Variants in PPAN observed in about 807,000 individuals in gnomAD.
The protein encoded by PPAN is suppressor of SWI4 1 homolog.
PPAN carries 39 observed loss-of-function variants against 48.5 expected under a neutral mutation model. The observed-to-expected ratio is 0.80, with a 90% CI of 0.62 to 1.05. The LOEUF is 1.05. PPAN is among the 50% of genes least tolerant of loss of function. The pLI, the probability that PPAN is intolerant of heterozygous loss-of-function variation, is 0.00. For synonymous variants in PPAN, 315 were observed against 268.6 expected, an observed-to-expected ratio of 1.17 and a Z score of -1.69; for missense variants, 736 against 661.7, an observed-to-expected ratio of 1.11 and a Z score of -1.23.
At chr19:10,109,506 G>A (rs765222501) in intron 5 of PPAN, 125 bp from the exon 6 acceptor site, 40 of 1,180,068 alleles carry the variant, frequency 3.4e-5, no homozygotes, top group Admixed American at 4.7e-5. Flanking sequence ...CTGCAGGTGC[G>A]AGCTGGAAGC....
In PPAN at chr19:10,110,222, G is replaced by A. The variant is rs530674060; in HGVS notation, c.798G>A (p.Gln266=). Residue 266 remains glutamine, a synonymous_variant, in exon 8 of 12, where the codon CAG becomes CAA. Transcript: ENST00000253107. This position sits in a 1 kb window ranked among gnomAD's most constrained non-coding sequence, Gnocchi z 5.9. The part of the protein sequence containing the change: ...AVAGRGNMRA[Q]QSAVRLTEIG... ...CTGGCCGTGGCAACATGCGGGCCCAGCAGAGTGCAGTGCGGCTCACCGAGG... is the reference window on the plus strand; with the variant it reads ...CTGGCCGTGGCAACATGCGGGCCCAACAGAGTGCAGTGCGGCTCACCGAGG... 1.7e-5 allele frequency: 27 copies of A among 1,611,356 alleles called. No homozygotes were observed. The East Asian group carries it at 2.9e-4, about 17-fold the overall frequency.
chr19:10,110,906 C>G lies in PPAN; in HGVS notation c.1202-39C>G. ...CTGCAGCAGGGCACCCAGAGCCTGT[C>G]CTTGTCTCTGGGGGCCCTGACACTG... On this transcript the variant is annotated intron_variant, in intron 11 of 11. Transcript: ENST00000253107. The surrounding 1 kb of genome is among the most constrained non-coding windows in gnomAD (Gnocchi z 5.9). 2 of 1,613,070 alleles carry G rather than the reference C, an allele frequency of 1.2e-6. No individual in the cohort carries two copies. Among genetic ancestry groups the G allele is most frequent in the Admixed American group, 1.7e-5 (1 of 59,998 alleles).
At chr19:10,108,219 T>G in intron 5 of PPAN, 85 bp downstream of exon 5, 1 of 1,511,950 alleles carries the variant, frequency 6.6e-7, no homozygotes, top group Non-Finnish European at 8.9e-7. Flanking sequence ...TGCTCACTCC[T>G]CCCAGCGCTG....
chr19:10,110,489 C>T lies in PPAN; in HGVS notation c.906C>T (p.Ser302=), dbSNP rs941617465. Residue 302 remains serine, a synonymous_variant, in exon 10 of 12, where the codon AGC becomes AGT. Coordinates refer to ENST00000253107, the MANE Select transcript of PPAN (RefSeq NM_020230.7). This position sits in a 1 kb window ranked among gnomAD's most constrained non-coding sequence, Gnocchi z 5.9. ...GACCCGCGTCTCTTGGCTCAGTGAGCAAGACGGAGGAGGAGCTGCAGGCCA... is the reference window on the plus strand; with the variant it reads ...GACCCGCGTCTCTTGGCTCAGTGAGTAAGACGGAGGAGGAGCTGCAGGCCA... The part of the protein sequence containing the change: ...EGKVMFHSFV[S]KTEEELQAIL... The T allele has an allele frequency of 6.2e-7, 1 of 1,612,402 alleles. No homozygotes were observed.
chr19:10,107,653 C>G (rs1383312803), intron 3 of PPAN, 47 bp downstream of exon 3: 19 of 1,608,354 alleles, frequency 1.2e-5, no homozygotes, highest in Non-Finnish European at 1.6e-5. Context: ...CCCCCCTTCC[C>G]CTATCTCTCA....
chr19:10,107,645 C>T (rs376056026), intron 3 of PPAN, 39 bp downstream of exon 3: 61 of 1,610,270 alleles, frequency 3.8e-5, no homozygotes, highest in Non-Finnish European at 5.0e-5. Context: ...CCCCAGACCC[C>T]CCCTTCCCCT....
chr19:10,108,014 C>T lies in PPAN; in HGVS notation c.393C>T (p.His131=), dbSNP rs372114162. 4.8e-5 allele frequency: 78 copies of T among 1,613,188 alleles called. No individual in the cohort carries two copies. The highest frequency in any genetic ancestry group is 1.1e-4 in the African/African-American group (8 of 74,932). The change falls in exon 5 of 12, where the codon CAC becomes CAT. Residue 131 remains histidine (H), a synonymous_variant. Coordinates refer to ENST00000253107, the MANE Select transcript of PPAN (RefSeq NM_020230.7). ...CCTCACTGCGCCGGCACCGCATGCA[C>T]GAGCAGCAGTTTGCCCACCCACCCC... The part of the protein sequence containing the change: ...VVSSLRRHRM[H]EQQFAHPPLL...
At position 10,111,666 on chromosome 19, in the gene PPAN, G is replaced by A; in HGVS notation, c.*501G>A. ...AGGGCCCACTAAGCCACTGGTGACT[G>A]GGGGAGGGGCTGGGGAACTGGGTAG... On this transcript the variant is annotated 3_prime_UTR_variant, in exon 12 of 12. Transcript: ENST00000253107. 1.2e-6 allele frequency: 2 copies of A among 1,611,220 alleles called. No individual in the cohort carries two copies. Among genetic ancestry groups the A allele is most frequent in the East Asian group, 2.2e-5 (1 of 44,858 alleles).
At chr19:10,106,947 G>C (rs2088852547) in intron 2 of PPAN, 1 of 638,514 alleles carries the variant, frequency 1.6e-6, no homozygotes, top group South Asian at 1.7e-5. Context: ...AGCATTTGGG[G>C]ATGCTGATGC....
upstream of PPAN, chr19:10,106,305 C>T: frequency 6.5e-7 from 1 of 1,539,896 alleles, no homozygotes; most frequent in East Asian, 2.5e-5. Flanking sequence ...CTGATGTCGT[C>T]CCACGCCGTG....
chr19:10,109,520 A>G (rs1599309281), intron 5 of PPAN, 111 bp from the exon 6 acceptor site: 1 of 1,274,120 alleles, frequency 7.8e-7, no homozygotes, highest in Non-Finnish European at 1.1e-6. Context: ...TGGAAGCAGC[A>G]TTTCTAGCCA....
chr19:10,111,426 C>G lies in PPAN; in HGVS notation c.*261C>G, dbSNP rs1240514793. On this transcript the variant is annotated 3_prime_UTR_variant, in exon 12 of 12. Transcript: ENST00000253107. ...CCTGGAAGCTGGGTCTCTCCCCTAC[C>G]CTGCACGGGGTTGGTTTCATTGGTG... The G allele has an allele frequency of 7.9e-6, 5 of 631,536 alleles. No individual in the cohort carries two copies. The highest frequency in any genetic ancestry group is 1.8e-5 in the African/African-American group (1 of 54,386). 39.1% of individuals were successfully genotyped at this position (631,536 alleles called of 1,614,324 possible). A position where few individuals can be genotyped will look rare whatever the true frequency, so the allele number is the denominator to read the frequency against.
intron 2 of PPAN, 25 bp from the exon 3 acceptor site, chr19:10,107,480 C>T (rs545734029): frequency 2.5e-6 from 4 of 1,610,388 alleles, no homozygotes; most frequent in Non-Finnish European, 3.4e-6. Context: ...GCTATGTTTT[C>T]TTTTTTTCTT....
chr19:10,106,813 T>A, intron 2 of PPAN, 142 bp downstream of exon 2: 1 of 1,332,020 alleles, frequency 7.5e-7, no homozygotes, highest in Non-Finnish European at 9.9e-7. Flanking sequence ...GCATCATTTC[T>A]GCCTTTCAGG....
Position 10,106,654 on chromosome 19 carries a change from A to T in PPAN, c.172A>T (p.Thr58Ser), listed in dbSNP as rs1189432095. 6.5e-7 allele frequency: 1 copy of T among 1,539,704 alleles called. No individual in the cohort carries two copies. ...CGTGCGGCGGGTCATGGAGCCGCTC[A>T]CTGCCAGCCGTCTGCAGGTTTGTAC... is the stretch of plus-strand genomic sequence containing the variant. ...LDVRRVMEPL[T>S]ASRLQVRKKN... Residue 58 changes from threonine to serine, a missense_variant, in exon 2 of 12, where the codon ACT becomes TCT. Coordinates refer to ENST00000253107, the MANE Select transcript of PPAN (RefSeq NM_020230.7).
At position 10,110,550 on chromosome 19, in the gene PPAN, G is replaced by T. The variant is rs773735205; in HGVS notation, c.967G>T (p.Ala323Ser). ...EAKEKKLRLK[A>S]QRQAQQAQNV... The stretch of plus-strand genomic sequence containing the variant: ...CAAGGAGAAGAAGCTGCGGCTGAAG[G>T]CGCAGAGGCAGGCCCAGCAGGCCCA... Residue 323 changes from alanine (A) to serine (S), a missense_variant, in exon 10 of 12, where the codon GCG becomes TCG. By Grantham distance (99) the Ala-to-Ser change is moderately conservative. Transcript: ENST00000253107. This position sits in a 1 kb window ranked among gnomAD's most constrained non-coding sequence, Gnocchi z 5.9. 2 of 1,609,828 alleles carry T rather than the reference G, an allele frequency of 1.2e-6. No homozygotes were observed. Among genetic ancestry groups the T allele is most frequent in the Non-Finnish European group, 1.7e-6 (2 of 1,178,752 alleles).
In PPAN at chr19:10,110,380, C is replaced by T; in HGVS notation, c.879C>T (p.Gly293=). The T allele has an allele frequency of 6.2e-7, 1 of 1,613,574 alleles. No homozygotes were observed. Among genetic ancestry groups the T allele is most frequent in the Non-Finnish European group, 8.5e-7 (1 of 1,179,920 alleles). Residue 293 remains glycine (G), a synonymous_variant, in exon 9 of 12, where the codon GGC becomes GGT. Transcript: ENST00000253107. This position sits in a 1 kb window ranked among gnomAD's most constrained non-coding sequence, Gnocchi z 5.9. The part of the protein sequence containing the change: ...LIKVQEGVGE[G]KVMFHSFVSK... ...AGGTCCAGGAGGGCGTCGGGGAGGG[C>T]AAAGTGATGTTCCACAGTTTTGGTG...
upstream of PPAN, chr19:10,106,253 G>A: frequency 7.0e-7 from 1 of 1,419,426 alleles, no homozygotes; most frequent in Non-Finnish European, 9.4e-7. Flanking sequence ...CCATCTGATT[G>A]CCCCTCCCCG....
intron 2 of PPAN, chr19:10,106,876 T>A: frequency 1.2e-6 from 1 of 829,868 alleles, no homozygotes; most frequent in Non-Finnish European, 1.8e-6. Context: ...GATAGTCGCC[T>A]AAGCCTGACA....
Sources: gnomAD v4.1 joint callset for allele counts on GRCh38, gnomAD v4.1.1 for gene constraint, Gnocchi (gnomAD v3.1) non-coding constraint, MANE v1.5 for transcripts, NCBI Gene and HGNC (gene_info 2026-07-23, HGNC 2026-07-21) for gene names.